SLC9A7: variants seen among roughly 807,000 people sequenced by gnomAD.
The protein encoded by SLC9A7 is solute carrier family 9 member A7, also known as sodium/hydrogen exchanger 7.
SLC9A7 carries 19 observed loss-of-function variants against 52.6 expected under a neutral mutation model. The observed-to-expected ratio is 0.36, with a 90% CI of 0.25 to 0.53. SLC9A7 has a LOEUF of 0.53. Among genes scored for constraint, SLC9A7 ranks in the 20% least tolerant of loss-of-function variants. The pLI, the probability that SLC9A7 is intolerant of heterozygous loss-of-function variation, is 0.91. For missense variants in SLC9A7, 455 were observed against 597.9 expected (o/e 0.76, Z 2.49); for synonymous variants, 226 against 252.1 (o/e 0.90, Z 0.98).
chrX:46,683,682 A>C (rs1944249027), intron 1 of SLC9A7, among the ~76,000 whole-genome samples: 1 of 112,139 alleles, frequency 8.9e-6, no homozygotes, highest in African/African-American at 3.2e-5. Flanking sequence ...CCCAAGTAAA[A>C]GTGAGTGAAA....
Position 46,682,530 on chromosome X carries a change from T to C in SLC9A7, c.331A>G (p.Ile111Val). 1.7e-6 allele frequency: 2 copies of C among 1,208,044 alleles called. No homozygotes were observed. Among genetic ancestry groups the C allele is most frequent in the Non-Finnish European group, 2.2e-6 (2 of 893,334 alleles). Residue 111 changes from isoleucine to valine, a missense_variant, in exon 2 of 17, where the codon ATC becomes GTC. By Grantham distance (29) the Ile-to-Val change is conservative. Transcript: ENST00000616978. ...ETGLAMIYGL[I>V]VGVILRYGTP... ...CCATACCTCAGGATCACCCCAACGA[T>C]GAGCCCTGAAAGAGTGGAAAAAAAC...
chrX:46,726,576 C>A (rs1944948856), intron 1 of SLC9A7, among the ~76,000 whole-genome samples: 1 of 111,623 alleles, frequency 9.0e-6, no homozygotes, highest in Non-Finnish European at 1.9e-5. Flanking sequence ...CCAGTTAGCC[C>A]AGTTTGTAAT....
Position 46,678,412 on chromosome X carries a change from T to TTTTATTTATTTATTTATTTA in SLC9A7, c.603+1246_603+1265dup, listed in dbSNP as rs368646149. Among the ~76,000 whole-genome samples the TTTTATTTATTTATTTATTTA allele has an allele frequency of 3.9e-3, 358 of 90,997 alleles. 1 individual carries two copies. Among genetic ancestry groups the TTTTATTTATTTATTTATTTA allele is most frequent in the Middle Eastern group, 5.3e-3 (1 of 189 alleles). The allele number at this position is 90,997 out of a possible 115,157, so 79.0% of individuals were successfully genotyped here. ...ATTTGTAAAGATATCTGGCATTTGT[T>TTTTATTTATTTATTTATTTA]TTTATTTATTTATTTATTTATTTAT... On this transcript the variant is annotated intron_variant, in intron 3 of 16. Coordinates refer to ENST00000616978, the MANE Select transcript of SLC9A7 (RefSeq NM_001257291.2).
At chrX:46,650,708 T>C (rs1943566281) in intron 10 of SLC9A7, among the ~76,000 whole-genome samples, 1 of 111,686 alleles carries the variant, frequency 9.0e-6, no homozygotes, top group Admixed American at 9.5e-5. Flanking sequence ...CAGCAATGAA[T>C]TGTCAAAAAT....
chrX:46,614,245 A>G (rs1359828317), intron 15 of SLC9A7, among the ~76,000 whole-genome samples: 1 of 111,808 alleles, frequency 8.9e-6, no homozygotes, highest in African/African-American at 3.3e-5. Flanking sequence ...AACCTACCAA[A>G]CATCACAGCT....
chrX:46,608,563 G>A (rs1942790602), intron 16 of SLC9A7, among the ~76,000 whole-genome samples: 1 of 112,497 alleles, frequency 8.9e-6, no homozygotes, highest in Non-Finnish European at 1.9e-5. Context: ...TCTAAAACTT[G>A]ATTTAAACTC....
chrX:46,676,349 A>C (rs997346236), intron 3 of SLC9A7, among the ~76,000 whole-genome samples: 1 of 111,741 alleles, frequency 8.9e-6, no homozygotes. Context: ...GTGGGGAGAA[A>C]TCCCTCCCAC....
At chrX:46,731,909 T>C (rs765711747) in intron 1 of SLC9A7, among the ~76,000 whole-genome samples, 1 of 112,065 alleles carries the variant, frequency 8.9e-6, no homozygotes, top group East Asian at 2.8e-4. Context: ...TCATTACTTA[T>C]AAGAGAAATG....
intron 11 of SLC9A7, chrX:46,647,095 G>A (rs888002784): frequency 1.3e-4 from 44 of 330,311 alleles, no homozygotes; most frequent in Non-Finnish European, 2.5e-4. Context: ...TCCTCACTAC[G>A]GGCAGCCACA....
chrX:46,641,979 A>G (rs780327070), intron 12 of SLC9A7, among the ~76,000 whole-genome samples: 1 of 112,524 alleles, frequency 8.9e-6, no homozygotes, highest in East Asian at 2.8e-4. Context: ...ACACTGATAA[A>G]CCCCATATTG....
At chrX:46,725,905 T>C (rs1489541848) in intron 1 of SLC9A7, 4 of 394,114 alleles carry the variant, frequency 1.0e-5, no homozygotes, top group African/African-American at 7.5e-5. Flanking sequence ...AGAGGAGCTA[T>C]AGGAATCAGA....
At chrX:46,705,878 T>C (rs1944597163) in intron 1 of SLC9A7, among the ~76,000 whole-genome samples, 1 of 110,938 alleles carries the variant, frequency 9.0e-6, no homozygotes, top group South Asian at 3.9e-4. Flanking sequence ...CCCATATTCC[T>C]CTACCTCTTT....
At chrX:46,714,655 T>C (rs1466153362) in intron 1 of SLC9A7, among the ~76,000 whole-genome samples, 4 of 112,257 alleles carry the variant, frequency 3.6e-5, no homozygotes, top group Non-Finnish European at 5.6e-5. Flanking sequence ...CAGGCACTGT[T>C]CTAGTGTTTG....
At chrX:46,708,591 G>A (rs1230833782) in intron 1 of SLC9A7, among the ~76,000 whole-genome samples, 1 of 111,872 alleles carries the variant, frequency 8.9e-6, no homozygotes, top group Non-Finnish European at 1.9e-5. Context: ...GTGTTGTTTG[G>A]AGAATATGTC....
intron 1 of SLC9A7, among the ~76,000 whole-genome samples, chrX:46,716,489 ATGC>A (rs1944771052): frequency 9.0e-6 from 1 of 111,699 alleles, no homozygotes; most frequent in Non-Finnish European, 1.9e-5. Context: ...CACAGCACAA[ATGC>A]TGCAACAGAC....
intron 1 of SLC9A7, among the ~76,000 whole-genome samples, chrX:46,728,291 T>A (rs1434576200): frequency 1.8e-5 from 2 of 111,424 alleles, no homozygotes; most frequent in Non-Finnish European, 3.8e-5. Context: ...CCAGAAAATA[T>A]AAAATACACA....
chrX:46,654,310 C>A (rs1308949340), intron 7 of SLC9A7, among the ~76,000 whole-genome samples: 2 of 110,053 alleles, frequency 1.8e-5, no homozygotes, highest in African/African-American at 6.6e-5. Context: ...TTGAACCCGG[C>A]AGGCAGAGGT....
At chrX:46,738,027 AAAAAAAAGAAAGAAAGAAAG>A (rs1945150207) in intron 1 of SLC9A7, among the ~76,000 whole-genome samples, 1 of 88,109 alleles carries the variant, frequency 1.1e-5, no homozygotes, top group African/African-American at 4.7e-5. Context: ...ACCCTGTCTC[AAAAAAAAGAAAGAAAGAAAG>A]AAAGAAAGAA....
intron 1 of SLC9A7, among the ~76,000 whole-genome samples, chrX:46,684,353 C>T (rs759386994): frequency 4.5e-5 from 5 of 110,560 alleles, no homozygotes; most frequent in African/African-American, 9.9e-5. Flanking sequence ...TACAGGCATG[C>T]GCTATCACAC....
Sources: gnomAD v4.1 joint callset for allele counts (sites outside exome capture counted in the v4.1 genomes callset) on GRCh38, gnomAD v4.1.1 for gene constraint, MANE v1.5 for transcripts, NCBI Gene and HGNC (gene_info 2026-07-23, HGNC 2026-07-21) for gene names.